Variants in VPS4B observed in about 807,000 individuals in gnomAD.
VPS4B encodes vacuolar protein sorting 4 homolog B.
Under a neutral mutation model 56.1 loss-of-function variants are expected in VPS4B, and 23 were observed. That is an observed-to-expected ratio of 0.41 (90% CI 0.30 to 0.58). The LOEUF is 0.58. VPS4B is among the 20% of genes least tolerant of loss of function. The probability of loss-of-function intolerance (pLI) is 0.29; values close to 1 mark genes in which losing one functional copy is unlikely to be tolerated. For missense variants in VPS4B, 372 were observed against 531.9 expected, an observed-to-expected ratio of 0.70 and a Z score of 2.96; for synonymous variants, 177 against 186.0, an observed-to-expected ratio of 0.95 and a Z score of 0.39.
In VPS4B at chr18:63,400,595, G is replaced by GT. The variant is rs1915787773; in HGVS notation, c.592_593insA (p.Ser198TyrfsTer6). 6.2e-7 allele frequency: 1 copy of GT among 1,609,562 alleles called. No homozygotes were observed. Among genetic ancestry groups the GT allele is most frequent in the Non-Finnish European group, 8.5e-7 (1 of 1,178,900 alleles). ...AGAAACAAGATCAGAGGAAGATATT[G>GT]AAAAAAATGTTGAGTTGTTGGCTTC... is the stretch of plus-strand genomic sequence containing the variant. On this transcript the variant is annotated frameshift_variant, in exon 6 of 11. Transcript: ENST00000238497. LOFTEE classifies it high-confidence loss of function.
intron 9 of VPS4B, among the ~76,000 whole-genome samples, chr18:63,393,970 C>T (rs572918995): frequency 6.6e-6 from 1 of 152,232 alleles, no homozygotes; most frequent in South Asian, 2.1e-4. Flanking sequence ...ATCTCCTGAC[C>T]TTGTGATCCG....
intron 10 of VPS4B, 23 bp downstream of exon 10, chr18:63,393,386 T>C (rs1915598933): frequency 6.4e-7 from 1 of 1,565,804 alleles, no homozygotes; most frequent in African/African-American, 1.4e-5. Flanking sequence ...AATATTTTCT[T>C]AAAAACAAAC....
At chr18:63,414,366 T>C (rs373019128) in intron 1 of VPS4B, among the ~76,000 whole-genome samples, 1 of 149,918 alleles carries the variant, frequency 6.7e-6, no homozygotes, top group South Asian at 2.1e-4. Context: ...CAAGACTCTG[T>C]CTCAAAAAAG....
At chr18:63,403,255 C>T (rs1309689041) in intron 5 of VPS4B, among the ~76,000 whole-genome samples, 1 of 152,214 alleles carries the variant, frequency 6.6e-6, no homozygotes, top group Admixed American at 6.5e-5. Context: ...CTCCTATAAT[C>T]TTATCCCCTA....
In VPS4B at chr18:63,398,218, TA is replaced by T. The variant is rs1399410216; in HGVS notation, c.873-966del. ...ACACACACACACATATATATATATA[TA>T]TATATTTTTTTTTGAGATGGAGTCT... On this transcript the variant is annotated intron_variant, in intron 8 of 10. Transcript: ENST00000238497. Among the ~76,000 whole-genome samples the T allele has an allele frequency of 3.4e-4, 39 of 114,586 alleles. 2 individuals carry two copies. The highest frequency in any genetic ancestry group is 1.1e-3 in the South Asian group (3 of 2,754). 75.2% of individuals were successfully genotyped at this position (114,586 alleles called of 152,430 possible).
intron 10 of VPS4B, among the ~76,000 whole-genome samples, chr18:63,392,945 C>T (rs1397466413): frequency 6.6e-6 from 1 of 152,022 alleles, no homozygotes; most frequent in African/African-American, 2.4e-5. Flanking sequence ...GGCATTTCAC[C>T]ATGTTGGCCA....
chr18:63,401,819 C>G (rs1915816556), intron 5 of VPS4B, among the ~76,000 whole-genome samples: 1 of 151,992 alleles, frequency 6.6e-6, no homozygotes. Flanking sequence ...ATGGTGAAAC[C>G]CTGACTCTAG....
At chr18:63,413,902 T>C (rs1916104193) in intron 1 of VPS4B, among the ~76,000 whole-genome samples, 1 of 152,218 alleles carries the variant, frequency 6.6e-6, no homozygotes, top group Admixed American at 6.5e-5. Context: ...TACTTCAGAA[T>C]TGATAAAATG....
chr18:63,396,490 T>C (rs996570310), intron 9 of VPS4B: 1 of 153,656 alleles, frequency 6.5e-6, no homozygotes, highest in Non-Finnish European at 1.4e-5. Flanking sequence ...GCTCAAGAGA[T>C]CTGCCCACCT....
At chr18:63,397,862 A>G (rs1915705477) in intron 8 of VPS4B, among the ~76,000 whole-genome samples, 1 of 152,188 alleles carries the variant, frequency 6.6e-6, no homozygotes, top group Non-Finnish European at 1.5e-5. Flanking sequence ...TCTCTGTGAC[A>G]ATGAAAAGAA....
chr18:63,414,319 G>A (rs1376579341), intron 1 of VPS4B, among the ~76,000 whole-genome samples: 3 of 143,350 alleles, frequency 2.1e-5, no homozygotes, highest in South Asian at 2.3e-4. Context: ...GCAGTGAGCC[G>A]AGATCATGCC....
intron 3 of VPS4B, among the ~76,000 whole-genome samples, chr18:63,409,680 T>C (rs927696466): frequency 3.9e-5 from 6 of 152,136 alleles, no homozygotes; most frequent in Non-Finnish European, 5.9e-5. Flanking sequence ...ATGCCAAAAA[T>C]CAGTTTCAAC....
At chr18:63,421,361 A>T (rs1169190742) in intron 1 of VPS4B, among the ~76,000 whole-genome samples, 1 of 152,156 alleles carries the variant, frequency 6.6e-6, no homozygotes, top group African/African-American at 2.4e-5. Context: ...AGGCACTCCA[A>T]TAACTGCTTG....
chr18:63,410,535 G>C, intron 2 of VPS4B, 89 bp from the exon 3 acceptor site: 1 of 1,487,880 alleles, frequency 6.7e-7, no homozygotes, highest in Non-Finnish European at 9.1e-7. Flanking sequence ...TTCAGACAAG[G>C]AAATTCTATG....
intron 1 of VPS4B, chr18:63,415,726 T>C (rs980069812): frequency 1.7e-5 from 4 of 241,518 alleles, no homozygotes; most frequent in Non-Finnish European, 1.8e-5. Context: ...GAGGAGCTGA[T>C]GGAGCTGATG....
chr18:63,409,424 A>G (rs1915984962), intron 3 of VPS4B, among the ~76,000 whole-genome samples: 1 of 152,214 alleles, frequency 6.6e-6, no homozygotes, highest in South Asian at 2.1e-4. Context: ...AATGAGAACC[A>G]CATCCTCTAA....
In VPS4B at chr18:63,403,823, G is replaced by A. The variant is rs775333614; in HGVS notation, c.368C>T (p.Ala123Val). Residue 123 changes from alanine (A) to valine (V), a missense_variant, in exon 5 of 11, where the codon GCC (alanine) becomes GTC (valine). Coordinates refer to ENST00000238497, the MANE Select transcript of VPS4B (RefSeq NM_004869.4). ...CACATTTGGTCGTTCTATAACAATG[G>A]CACCTGCAAAAAATTACGTTATCTT... ...KKKLQNQLQG[A>V]IVIERPNVKW... The A allele has an allele frequency of 7.8e-5, 125 of 1,596,938 alleles. No homozygotes were observed. Among genetic ancestry groups the A allele is most frequent in the Non-Finnish European group, 1.1e-4 (124 of 1,173,596 alleles).
At chr18:63,418,466 C>A (rs377664240) in intron 1 of VPS4B, among the ~76,000 whole-genome samples, 4 of 151,696 alleles carry the variant, frequency 2.6e-5, no homozygotes, top group South Asian at 2.1e-4. Flanking sequence ...CTGGAGTACA[C>A]GGGTGTGATC....
At chr18:63,396,631 G>A (rs1320865990) in intron 9 of VPS4B, 1 of 189,204 alleles carries the variant, frequency 5.3e-6, no homozygotes, top group African/African-American at 2.4e-5. Flanking sequence ...CCCACTTATG[G>A]TATTATTATA....
Sources: gnomAD v4.1 joint callset for allele counts (sites outside exome capture counted in the v4.1 genomes callset) on GRCh38, gnomAD v4.1.1 for gene constraint, MANE v1.5 for transcripts, NCBI Gene and HGNC (gene_info 2026-07-23, HGNC 2026-07-21) for gene names.